The following NTN1 variants were observed in gnomAD, a reference collection of about 807,000 sequenced individuals.
NTN1 encodes the protein netrin 1, also known as netrin-1.
In NTN1, 11 loss-of-function variants were observed where a neutral mutation model predicts 54.2. That is an observed-to-expected ratio of 0.20 (90% CI 0.13 to 0.34). The LOEUF (loss-of-function observed/expected upper bound fraction) is 0.34. Among genes scored for constraint, NTN1 ranks in the 10% least tolerant of loss-of-function variants. NTN1 has a pLI of 1.00. For missense variants in NTN1, 740 were observed against 893.1 expected, an observed-to-expected ratio of 0.83 and a Z score of 2.18; for synonymous variants, 371 against 382.0, an observed-to-expected ratio of 0.97 and a Z score of 0.33.
At chr17:9,223,949 G>T (rs73973309) in intron 6 of NTN1, among the ~76,000 whole-genome samples, 1 of 152,120 alleles carries the variant, frequency 6.6e-6, no homozygotes, top group Non-Finnish European at 1.5e-5. Context: ...TGTTTTGATC[G>T]CCTATTTGGT....
At chr17:9,153,250 C>A (rs1327438040) in intron 2 of NTN1, among the ~76,000 whole-genome samples, 1 of 152,028 alleles carries the variant, frequency 6.6e-6, no homozygotes, top group Non-Finnish European at 1.5e-5. Context: ...AGTTTGAGAT[C>A]ATTCTGGGCA....
At chr17:9,179,122 G>GAGT (rs2092410177) in intron 3 of NTN1, 1 of 152,336 alleles carries the variant, frequency 6.6e-6, no homozygotes. Flanking sequence ...GAGGCTCTGG[G>GAGT]AGTTTCCTTT....
intron 2 of NTN1, among the ~76,000 whole-genome samples, chr17:9,059,207 T>C (rs2091988674): frequency 6.6e-6 from 1 of 152,124 alleles, no homozygotes. Flanking sequence ...CAAATAACCC[T>C]GGGGAAAATG....
intron 2 of NTN1, among the ~76,000 whole-genome samples, chr17:9,065,506 A>G (rs1178618484): frequency 6.6e-6 from 1 of 152,118 alleles, no homozygotes; most frequent in Admixed American, 6.6e-5. Context: ...CCACACACCC[A>G]TATGGCCACA....
chr17:9,075,561 T>G (rs2092046664), intron 2 of NTN1, among the ~76,000 whole-genome samples: 1 of 152,038 alleles, frequency 6.6e-6, no homozygotes, highest in African/African-American at 2.4e-5. Flanking sequence ...GAGAGTCCCA[T>G]CTGGTTGGTA....
chr17:9,063,774 T>G (rs1290986313), intron 2 of NTN1, among the ~76,000 whole-genome samples: 2 of 151,438 alleles, frequency 1.3e-5, no homozygotes, highest in Non-Finnish European at 2.9e-5. Context: ...GGTCTCGATC[T>G]CCTGACCTCG....
At chr17:9,017,665 T>C (rs2091834685), upstream of NTN1, among the ~76,000 whole-genome samples, 1 of 152,202 alleles carries the variant, frequency 6.6e-6, no homozygotes, top group Non-Finnish European at 1.5e-5. Flanking sequence ...AAACACCTGG[T>C]GATTTGCTTT....
intron 2 of NTN1, among the ~76,000 whole-genome samples, chr17:9,144,905 C>T (rs2092308850): frequency 1.3e-5 from 2 of 152,150 alleles, no homozygotes; most frequent in Non-Finnish European, 2.9e-5. Flanking sequence ...GGAGGGACCC[C>T]AGGACCCCCT....
intron 2 of NTN1, among the ~76,000 whole-genome samples, chr17:9,103,102 G>T (rs2092155552): frequency 6.6e-6 from 1 of 152,150 alleles, no homozygotes; most frequent in Non-Finnish European, 1.5e-5. Flanking sequence ...AGTATGCTTT[G>T]TGAGCAAAAA....
intron 6 of NTN1, among the ~76,000 whole-genome samples, chr17:9,231,877 C>G (rs1905826856): frequency 6.6e-6 from 1 of 152,196 alleles, no homozygotes; most frequent in Admixed American, 6.5e-5. Context: ...AGGCTGGGCC[C>G]CCATTGCTGC....
At chr17:9,114,154 A>ATATATATAT (rs1491588506) in intron 2 of NTN1, among the ~76,000 whole-genome samples, 13 of 39,188 alleles carry the variant, frequency 3.3e-4, no homozygotes, top group African/African-American at 1.2e-3. Context: ...AAAAAAAAAG[A>ATATATATAT]AAAAAAAAAA....
rs2091853504 is a variant in NTN1, at chr17:9,022,450, C to G, written c.77C>G (p.Pro26Arg). ...CTGGTGGGCGCGGTGCGCGGCGGGCCCGGGCTCAGCATGTTCGCGGGCCAG... is the reference window on the plus strand; with the variant it reads ...CTGGTGGGCGCGGTGCGCGGCGGGCGCGGGCTCAGCATGTTCGCGGGCCAG... Reference protein sequence around the residue: ...ACLVGAVRGGPGLSMFAGQAA... With the variant: ...ACLVGAVRGGRGLSMFAGQAA... Residue 26 changes from proline (P) to arginine (R), a missense_variant, in exon 2 of 7, where the codon CCC (proline) becomes CGC (arginine). Physicochemically the swap from Pro to Arg is moderately radical, Grantham distance 103. Coordinates refer to ENST00000173229, the MANE Select transcript of NTN1 (RefSeq NM_004822.3). 3 of 1,470,296 alleles carry G rather than the reference C, an allele frequency of 2.0e-6. No homozygotes were observed. In the Admixed American group the frequency reaches 7.3e-5, roughly 36 times the overall value. 91.1% of individuals were successfully genotyped at this position (1,470,296 alleles called of 1,614,324 possible).
intron 5 of NTN1, among the ~76,000 whole-genome samples, chr17:9,198,093 G>C (rs1444704164): frequency 6.6e-6 from 1 of 152,200 alleles, no homozygotes; most frequent in African/African-American, 2.4e-5. Flanking sequence ...ACCTCAGGGG[G>C]CCCGAGACAG....
At chr17:9,056,731 G>A (rs914066358) in intron 2 of NTN1, among the ~76,000 whole-genome samples, 7 of 152,152 alleles carry the variant, frequency 4.6e-5, no homozygotes, top group African/African-American at 1.2e-4. Flanking sequence ...CACTGGAAAC[G>A]TGCCCTGGAG....
intron 6 of NTN1, among the ~76,000 whole-genome samples, chr17:9,226,244 A>G (rs1276450947): frequency 1.3e-5 from 2 of 151,828 alleles, no homozygotes; most frequent in African/African-American, 4.8e-5. Context: ...CTGGAGACGC[A>G]GGTTCCTAAT....
intron 2 of NTN1, among the ~76,000 whole-genome samples, chr17:9,064,627 G>A (rs540240357): frequency 2.4e-4 from 36 of 152,156 alleles, no homozygotes; most frequent in African/African-American, 3.9e-4. Context: ...TTCACACATC[G>A]TTCATAGTGT....
chr17:9,192,598 T>G (rs909138793), intron 5 of NTN1, among the ~76,000 whole-genome samples: 1 of 152,140 alleles, frequency 6.6e-6, no homozygotes, highest in Admixed American at 6.5e-5. Context: ...GCAGGACAGC[T>G]CACGCAACAG....
At chr17:9,132,318 G>A (rs1020680891) in intron 2 of NTN1, among the ~76,000 whole-genome samples, 11 of 152,034 alleles carry the variant, frequency 7.2e-5, no homozygotes, top group African/African-American at 1.9e-4. Context: ...CTGCTGTTCC[G>A]CCTGCCAGGA....
At chr17:9,078,126 T>C (rs1034251005) in intron 2 of NTN1, among the ~76,000 whole-genome samples, 2 of 152,124 alleles carry the variant, frequency 1.3e-5, no homozygotes, top group African/African-American at 4.8e-5. Flanking sequence ...TACTGAGCCT[T>C]GTTCTGCATC....
Sources: allele counts gnomAD v4.1 joint callset (sites outside exome capture counted in the v4.1 genomes callset), GRCh38; gene constraint gnomAD v4.1.1; transcripts MANE v1.5; gene names NCBI Gene and HGNC (gene_info 2026-07-23, HGNC 2026-07-21).